ZYG11B: variants seen among roughly 807,000 people sequenced by gnomAD.
ZYG11B encodes protein zyg-11 homolog B.
A neutral mutation model predicts 82.4 loss-of-function variants in ZYG11B; 36 were observed. The observed-to-expected ratio is 0.44, with a 90% confidence interval of 0.33 to 0.58. ZYG11B has a LOEUF of 0.58. Ranked by LOEUF, ZYG11B falls within the 20% of genes least tolerant of loss-of-function variation. ZYG11B has a pLI of 0.02. For synonymous variants in ZYG11B, 303 were observed against 312.8 expected (o/e 0.97, Z 0.33); for missense variants, 552 against 895.6 (o/e 0.62, Z 4.90).
At chr1:52,778,771 G>A (rs775456137) in intron 3 of ZYG11B, among the ~76,000 whole-genome samples, 29 of 152,170 alleles carry the variant, frequency 1.9e-4, no homozygotes, top group Non-Finnish European at 2.9e-4. Context: ...TAAGATAAGC[G>A]TATTATCTTA....
intron 8 of ZYG11B, among the ~76,000 whole-genome samples, chr1:52,800,190 C>T (rs1031233010): frequency 2.0e-5 from 3 of 150,770 alleles, no homozygotes; most frequent in African/African-American, 4.9e-5. Flanking sequence ...GCAAGAGGAT[C>T]GCTTGAGCTT....
At chr1:52,736,777 C>T (rs192619708) in intron 1 of ZYG11B, among the ~76,000 whole-genome samples, 15 of 150,822 alleles carry the variant, frequency 9.9e-5, no homozygotes, top group African/African-American at 2.2e-4. Context: ...TTAGTAGAGA[C>T]GGGGTTTTGC....
intron 1 of ZYG11B, among the ~76,000 whole-genome samples, chr1:52,746,685 C>CTTTTTTTTTTTT (rs1426525127): frequency 1.2e-4 from 2 of 16,410 alleles, no homozygotes; most frequent in Admixed American, 9.9e-4. Flanking sequence ...AGATCGGCCA[C>CTTTTTTTTTTTT]TGTTTTTTTT....
intron 10 of ZYG11B, 141 bp from the exon 11 acceptor site, chr1:52,813,395 C>A: frequency 1.6e-6 from 1 of 632,416 alleles, no homozygotes; most frequent in Non-Finnish European, 2.6e-6. Context: ...TGTAAACTGC[C>A]CTCATTTGAA....
At chr1:52,809,431 G>T (rs552718920) in intron 10 of ZYG11B, among the ~76,000 whole-genome samples, 1 of 151,980 alleles carries the variant, frequency 6.6e-6, no homozygotes, top group Non-Finnish European at 1.5e-5. Flanking sequence ...CAGGTGATCC[G>T]CTTGCCTCTG....
chr1:52,739,494 T>A (rs1176939944), intron 1 of ZYG11B, among the ~76,000 whole-genome samples: 1 of 152,226 alleles, frequency 6.6e-6, no homozygotes, highest in African/African-American at 2.4e-5. Context: ...GGGCAAACTG[T>A]TTTTATAGGC....
At chr1:52,774,295 C>T (rs1571768657) in intron 3 of ZYG11B, among the ~76,000 whole-genome samples, 1 of 145,086 alleles carries the variant, frequency 6.9e-6, no homozygotes, top group Non-Finnish European at 1.5e-5. Context: ...CATGTGCCAC[C>T]ATAACTGGCT....
chr1:52,798,352 G>A (rs1304930089), intron 8 of ZYG11B, among the ~76,000 whole-genome samples: 1 of 151,280 alleles, frequency 6.6e-6, no homozygotes, highest in African/African-American at 2.4e-5. Context: ...CAGTGGTTAT[G>A]CCTGTAATCC....
intron 2 of ZYG11B, among the ~76,000 whole-genome samples, chr1:52,765,637 G>A (rs1644676620): frequency 6.6e-6 from 1 of 151,994 alleles, no homozygotes; most frequent in African/African-American, 2.4e-5. Context: ...AGCTAGCTAG[G>A]ACTACAGGTA....
chr1:52,807,114 G>A (rs960797614), intron 10 of ZYG11B, among the ~76,000 whole-genome samples: 1 of 151,908 alleles, frequency 6.6e-6, no homozygotes, highest in African/African-American at 2.4e-5. Flanking sequence ...TGATCTGCCC[G>A]CCTCAGCCTC....
intron 13 of ZYG11B, among the ~76,000 whole-genome samples, chr1:52,820,343 T>A (rs1645272468): frequency 6.6e-6 from 1 of 152,082 alleles, no homozygotes; most frequent in South Asian, 2.1e-4. Flanking sequence ...TCACTTCTAT[T>A]TGTATTAAAA....
At chr1:52,797,196 A>T (rs1329136259) in intron 8 of ZYG11B, among the ~76,000 whole-genome samples, 15 of 72,358 alleles carry the variant, frequency 2.1e-4, no homozygotes, top group African/African-American at 9.0e-4. Flanking sequence ...ATTATATATA[A>T]ATTATTTATA....
rs960688875 is a variant in ZYG11B at position 52,798,264 on chromosome 1, C to T, written c.1485+1480C>T. ...GATGACCTAGGATCTAGCTTGTAAACTCACTTTGTGAATTTGGGAAAATTA... is the reference window on the plus strand; with the variant it reads ...GATGACCTAGGATCTAGCTTGTAAATTCACTTTGTGAATTTGGGAAAATTA... On this transcript the variant is annotated intron_variant, in intron 8 of 13. Coordinates refer to ENST00000294353, the MANE Select transcript of ZYG11B (RefSeq NM_024646.3). Among the ~76,000 whole-genome samples the T allele has an allele frequency of 3.3e-5, 5 of 152,240 alleles. No homozygotes were observed. In the South Asian group the frequency reaches 8.3e-4, roughly 25 times the overall value.
intron 5 of ZYG11B, among the ~76,000 whole-genome samples, 190 bp downstream of exon 5, chr1:52,785,243 T>C (rs7523761): frequency 0.49 from 74,025 of 151,878 alleles, 18,511 homozygotes; most frequent in East Asian, 0.62. Context: ...TAAATCCATA[T>C]ATTGGGGGAC....
At chr1:52,739,184 A>G (rs1389649514) in intron 1 of ZYG11B, among the ~76,000 whole-genome samples, 1 of 150,520 alleles carries the variant, frequency 6.6e-6, no homozygotes, top group Admixed American at 6.7e-5. Flanking sequence ...ACAGAGTTTC[A>G]CCATGTTGGC....
At chr1:52,809,647 G>GGA (rs1321133204) in intron 10 of ZYG11B, among the ~76,000 whole-genome samples, 1 of 151,778 alleles carries the variant, frequency 6.6e-6, no homozygotes. Flanking sequence ...AGTGTCCAAG[G>GGA]GTTCCGATTT....
At chr1:52,758,161 T>C (rs931567510) in intron 2 of ZYG11B, among the ~76,000 whole-genome samples, 4 of 139,900 alleles carry the variant, frequency 2.9e-5, no homozygotes, top group African/African-American at 8.2e-5. Flanking sequence ...ATTGTGCCAC[T>C]GCACACCTGG....
chr1:52,812,558 A>C (rs1248831224), intron 10 of ZYG11B, among the ~76,000 whole-genome samples: 2 of 151,916 alleles, frequency 1.3e-5, no homozygotes, highest in Non-Finnish European at 2.9e-5. Context: ...ACATGACACC[A>C]CGCCCAGCTA....
intron 2 of ZYG11B, among the ~76,000 whole-genome samples, chr1:52,762,727 G>C (rs982408163): frequency 6.6e-6 from 1 of 151,796 alleles, no homozygotes; most frequent in African/African-American, 2.4e-5. Context: ...AGTTACAGGT[G>C]CCCGCCACCA....
Sources: allele counts gnomAD v4.1 joint callset (sites outside exome capture counted in the v4.1 genomes callset), GRCh38; gene constraint gnomAD v4.1.1; transcripts MANE v1.5; gene names NCBI Gene and HGNC (gene_info 2026-07-23, HGNC 2026-07-21).